IGSF21: variants seen among roughly 807,000 people sequenced by gnomAD.
IGSF21 encodes the protein immunoglobulin superfamily member 21.
Under a neutral mutation model 46.8 loss-of-function variants are expected in IGSF21, and 28 were observed. The ratio of observed to expected loss-of-function variants is 0.60; its 90% CI spans 0.44 to 0.82. IGSF21 has a LOEUF of 0.82. Ranked by LOEUF, IGSF21 falls within the 40% of genes least tolerant of loss-of-function variation. IGSF21 has a pLI of 0.00. For synonymous variants in IGSF21, 284 were observed against 273.6 expected, an observed-to-expected ratio of 1.04 and a Z score of -0.38; for missense variants, 624 against 665.5, an observed-to-expected ratio of 0.94 and a Z score of 0.69.
intron 3 of IGSF21, among the ~76,000 whole-genome samples, chr1:18,297,913 G>A (rs2085327281): frequency 6.6e-6 from 1 of 152,252 alleles, no homozygotes; most frequent in African/African-American, 2.4e-5. Flanking sequence ...ATAGAGAGGG[G>A]TGAGAATAAT....
chr1:18,199,484 G>A (rs113006754), intron 1 of IGSF21, among the ~76,000 whole-genome samples: 4,296 of 152,210 alleles, frequency 0.028, 69 homozygotes, highest in South Asian at 0.042. Context: ...CCTGGGCACC[G>A]GCTCTTGAAG....
chr1:18,316,513 A>G (rs11260981), intron 3 of IGSF21, among the ~76,000 whole-genome samples: 93,283 of 151,942 alleles, frequency 0.61, 29,463 homozygotes, highest in East Asian at 0.94. Flanking sequence ...CAATTCTCCT[A>G]CTGTCTTGTG....
At chr1:18,209,086 T>G (rs1031803864) in intron 1 of IGSF21, among the ~76,000 whole-genome samples, 2 of 152,190 alleles carry the variant, frequency 1.3e-5, no homozygotes, top group Admixed American at 1.3e-4. Context: ...GGTGTCTACA[T>G]GAGTGTGCAC....
intron 1 of IGSF21, among the ~76,000 whole-genome samples, chr1:18,133,174 C>T (rs1044121884): frequency 2.0e-5 from 3 of 152,196 alleles, no homozygotes; most frequent in African/African-American, 7.2e-5. Context: ...CTGGATTTGG[C>T]TTCAAGATAC....
At chr1:18,125,099 G>A (rs1173894526) in intron 1 of IGSF21, among the ~76,000 whole-genome samples, 1 of 152,144 alleles carries the variant, frequency 6.6e-6, no homozygotes, top group Non-Finnish European at 1.5e-5. Flanking sequence ...TCACTGGAGA[G>A]ACATAAAACT....
chr1:18,377,953 C>G (rs534259744), intron 9 of IGSF21, among the ~76,000 whole-genome samples: 1 of 152,294 alleles, frequency 6.6e-6, no homozygotes, highest in South Asian at 2.1e-4. Flanking sequence ...AGACGCTGCT[C>G]CCAGGCCTGC....
At chr1:18,282,196 G>A (rs2085167514) in intron 2 of IGSF21, among the ~76,000 whole-genome samples, 2 of 148,676 alleles carry the variant, frequency 1.3e-5, no homozygotes, top group Admixed American at 1.3e-4. Flanking sequence ...TCCGGTTGTG[G>A]TTCCTGACCC....
At chr1:18,240,774 C>A (rs527639860) in intron 2 of IGSF21, among the ~76,000 whole-genome samples, 3 of 152,340 alleles carry the variant, frequency 2.0e-5, no homozygotes, top group African/African-American at 7.2e-5. Context: ...AATGTCTAAG[C>A]AAATGGCATG....
At chr1:18,171,672 A>G (rs947095414) in intron 1 of IGSF21, among the ~76,000 whole-genome samples, 2 of 152,240 alleles carry the variant, frequency 1.3e-5, no homozygotes, top group East Asian at 1.9e-4. Context: ...CAAGCACTTA[A>G]TAAACAAAAG....
intron 1 of IGSF21, among the ~76,000 whole-genome samples, chr1:18,161,089 A>G (rs530060095): frequency 6.6e-6 from 1 of 152,216 alleles, no homozygotes; most frequent in African/African-American, 2.4e-5. Context: ...CTTGGCCTGC[A>G]CTTGAGATCA....
chr1:18,355,544 CT>C (rs1013566347), intron 4 of IGSF21, among the ~76,000 whole-genome samples: 2 of 152,092 alleles, frequency 1.3e-5, no homozygotes, highest in Non-Finnish European at 2.9e-5. Context: ...GCCACTTTAC[CT>C]TTCCCGATGC....
chr1:18,225,136 T>C lies in IGSF21; in HGVS notation c.71-2762T>C, dbSNP rs539186973. Reference sequence around the variant, plus strand: ...ACACACACACACACACACAAAGAAATCATGTTTCCTGAAACACTGGTGAGA... The same window carrying C: ...ACACACACACACACACACAAAGAAACCATGTTTCCTGAAACACTGGTGAGA... On this transcript the variant is annotated intron_variant, in intron 1 of 9. Transcript: ENST00000251296. Among the ~76,000 whole-genome samples, 6 of 116,556 alleles carry C rather than the reference T, an allele frequency of 5.1e-5. 1 individual carries two copies. In the East Asian group the frequency reaches 1.3e-3, roughly 25 times the overall value. 76.5% of individuals were successfully genotyped at this position (116,556 alleles called of 152,430 possible).
chr1:18,224,220 A>T lies in IGSF21; in HGVS notation c.71-3678A>T, dbSNP rs1366813423. Among the ~76,000 whole-genome samples, 3 of 152,178 alleles carry T rather than the reference A, an allele frequency of 2.0e-5. No homozygotes were observed. The East Asian group carries it at 5.8e-4, about 29-fold the overall frequency. On this transcript the variant is annotated intron_variant, in intron 1 of 9. Coordinates refer to ENST00000251296, the MANE Select transcript of IGSF21 (RefSeq NM_032880.5). ...CAGGTTCTACAAGATGCTCTGAAAA[A>T]GATGGGCTCCAGAGTGTAAAATATG...
intron 2 of IGSF21, among the ~76,000 whole-genome samples, chr1:18,269,365 C>A (rs16861776): frequency 2.4e-4 from 37 of 152,118 alleles, no homozygotes; most frequent in Non-Finnish European, 4.1e-4. Context: ...CAGCCTTGAT[C>A]CTGTGTCATT....
chr1:18,266,914 A>C (rs1198383360), intron 2 of IGSF21, among the ~76,000 whole-genome samples: 1 of 152,128 alleles, frequency 6.6e-6, no homozygotes, highest in Non-Finnish European at 1.5e-5. Flanking sequence ...GCTCCCAATC[A>C]AACTGAAAGG....
At chr1:18,120,030 C>A (rs1302286355) in intron 1 of IGSF21, among the ~76,000 whole-genome samples, 1 of 152,218 alleles carries the variant, frequency 6.6e-6, no homozygotes, top group African/African-American at 2.4e-5. Flanking sequence ...GGAGGCACCA[C>A]CATTTCTATG....
chr1:18,325,794 C>A (rs1365519990), intron 3 of IGSF21, among the ~76,000 whole-genome samples: 1 of 152,198 alleles, frequency 6.6e-6, no homozygotes, highest in Non-Finnish European at 1.5e-5. Flanking sequence ...CAAATGCTAC[C>A]CCCAGTAGCT....
chr1:18,352,737 A>G (rs2085970611), intron 4 of IGSF21, among the ~76,000 whole-genome samples: 2 of 152,358 alleles, frequency 1.3e-5, no homozygotes, highest in African/African-American at 4.8e-5. Context: ...GCAGCCAGCC[A>G]GAGCCTCCAG....
At chr1:18,377,288 C>A in intron 8 of IGSF21, 105 bp from the exon 9 acceptor site, 1 of 1,028,388 alleles carries the variant, frequency 9.7e-7, no homozygotes, top group Non-Finnish European at 1.5e-6. Context: ...TGCACTGAGA[C>A]AGTGCGTGTG....
Sources: allele counts gnomAD v4.1 joint callset (sites outside exome capture counted in the v4.1 genomes callset), GRCh38; gene constraint gnomAD v4.1.1; transcripts MANE v1.5; gene names NCBI Gene and HGNC (gene_info 2026-07-23, HGNC 2026-07-21).